Variants in IMPDH1 observed in about 807,000 individuals in gnomAD.
IMPDH1 encodes the protein inosine monophosphate dehydrogenase 1.
A neutral mutation model predicts 73.5 loss-of-function variants in IMPDH1; 41 were observed. The observed-to-expected ratio is 0.56, with a 90% CI of 0.43 to 0.72. The LOEUF (loss-of-function observed/expected upper bound fraction) is 0.72. IMPDH1 is among the 30% of genes least tolerant of loss of function. The pLI is 0.00. For missense variants in IMPDH1, 645 were observed against 824.8 expected (o/e 0.78, Z 2.67); for synonymous variants, 318 against 334.3 (o/e 0.95, Z 0.53).
chr7:128,405,103 G>A (rs1036618288), intron 4 of IMPDH1, among the ~76,000 whole-genome samples: 13 of 152,218 alleles, frequency 8.5e-5, no homozygotes, highest in Admixed American at 8.5e-4. Context: ...GCTAGTGCCA[G>A]GCCTGCAGCA....
Position 128,398,183 on chromosome 7 carries a change from A to G in IMPDH1, c.1074+231T>C, listed in dbSNP as rs2116635576. 6.6e-6 allele frequency among the ~76,000 whole-genome samples: 1 copy of G among 152,298 alleles called. No individual in the cohort carries two copies. Among genetic ancestry groups the G allele is most frequent in the African/African-American group, 2.4e-5 (1 of 41,560 alleles). On this transcript the variant is annotated intron_variant, in intron 10 of 16. Transcript: ENST00000338791. The surrounding 1 kb of genome is among the most constrained non-coding windows in gnomAD (Gnocchi z 4.3). ...TGAGAAAGGGTCTCGTTCTGTCCCC[A>G]GGGCTGGAGTGCAGTGGCACGATCC...
Position 128,401,133 on chromosome 7 carries a change from A to G in IMPDH1, c.403-17T>C, listed in dbSNP as rs1270615787. 1 of 1,594,198 alleles carries G rather than the reference A, an allele frequency of 6.3e-7. No individual in the cohort carries two copies. Among genetic ancestry groups the G allele is most frequent in the African/African-American group, 1.3e-5 (1 of 74,652 alleles). Reference sequence around the variant, plus strand: ...GGTCAGGTCCTGAGGATGGAGGCACAGCCCACGTAAAGAGTTTATCACCCA... The same window carrying G: ...GGTCAGGTCCTGAGGATGGAGGCACGGCCCACGTAAAGAGTTTATCACCCA... On this transcript the variant is annotated splice_polypyrimidine_tract_variant and intron_variant, in intron 5 of 16. Transcript: ENST00000338791.
In IMPDH1 at chr7:128,396,945, C is replaced by A; in HGVS notation, c.1152G>T (p.Val384=). 6.2e-7 allele frequency: 1 copy of A among 1,613,224 alleles called. No homozygotes were observed. Among genetic ancestry groups the A allele is most frequent in the South Asian group, 1.1e-5 (1 of 91,068 alleles). The change falls in exon 11 of 17, where the codon GTG becomes GTT. Residue 384 remains valine (V), a synonymous_variant. Transcript: ENST00000338791. The surrounding 1 kb of genome is among the most constrained non-coding windows in gnomAD (Gnocchi z 4.0). ...YIKQKYPHLQ[V]IGGNVVTAAQ... ...CCCCGCACTCACCGTTCCCCCCAAT[C>A]ACCTGGAGGTGGGGGTACTTCTGTT... is the stretch of plus-strand genomic sequence containing the variant.
rs747314543 is a variant in IMPDH1, at chr7:128,393,007, T to C, written c.1800A>G (p.Ter600TrpextTer25). Residue 600 changes from the stop codon to tryptophan, a stop_lost, in exon 17 of 17, where the codon TGA (stop) becomes TGG (tryptophan). Coordinates refer to ENST00000338791, the MANE Select transcript of IMPDH1 (RefSeq NM_000883.4). Reference sequence around the variant, plus strand: ...ACCACCTCGGCCTCCACCGCTGTCCTCAGTACAGCCGCTTTTCGTAACTGT... The same window carrying C: ...ACCACCTCGGCCTCCACCGCTGTCCCCAGTACAGCCGCTTTTCGTAACTGT... ...GLHSYEKRLY[*>W] The C allele has an allele frequency of 3.1e-6, 5 of 1,613,838 alleles. No individual in the cohort carries two copies. The Admixed American group carries it at 8.3e-5, about 27-fold the overall frequency.
chr7:128,394,787 C>T lies in IMPDH1; in HGVS notation c.1550+102G>A. ...AGCCCTGTGCCTCAGTTTCCAGAAC[C>T]ACCATATGGGGACTGGCTGCCATCT... On this transcript the variant is annotated intron_variant, in intron 14 of 16. Transcript: ENST00000338791. The surrounding 1 kb of genome is among the most constrained non-coding windows in gnomAD (Gnocchi z 5.5). The T allele has an allele frequency of 6.7e-7, 1 of 1,498,396 alleles. No individual in the cohort carries two copies. The highest frequency in any genetic ancestry group is 9.2e-7 in the Non-Finnish European group (1 of 1,085,050). 92.8% of individuals were successfully genotyped at this position (1,498,396 alleles called of 1,614,324 possible). A position where few individuals can be genotyped will look rare whatever the true frequency, so the allele number is the denominator to read the frequency against.
rs1359669066 is a variant in IMPDH1 at position 128,400,575 on chromosome 7, A to C, written c.580-36T>G. 1.9e-6 allele frequency: 3 copies of C among 1,582,560 alleles called. No individual in the cohort carries two copies. The African/African-American group carries it at 4.0e-5, about 21-fold the overall frequency. ...AGATGGGGGAGGAAAAGGCTGGAAGAAAGCCAGGGATGATGTCCAGGCTGG... is the reference window on the plus strand; with the variant it reads ...AGATGGGGGAGGAAAAGGCTGGAAGCAAGCCAGGGATGATGTCCAGGCTGG... On this transcript the variant is annotated intron_variant, in intron 7 of 16. Coordinates refer to ENST00000338791, the MANE Select transcript of IMPDH1 (RefSeq NM_000883.4).
intron 3 of IMPDH1, among the ~76,000 whole-genome samples, chr7:128,407,192 C>T (rs1482620131): frequency 1.3e-5 from 2 of 152,228 alleles, no homozygotes; most frequent in African/African-American, 4.8e-5. Flanking sequence ...CCCTCCCTGG[C>T]TTGGTGGCTG....
chr7:128,393,073 C>T, intron 16 of IMPDH1, 45 bp from the exon 17 acceptor site: 1 of 1,609,932 alleles, frequency 6.2e-7, no homozygotes, highest in African/African-American at 1.3e-5. Flanking sequence ...GGTGTGTGGA[C>T]CCTGCTCCTT....
At position 128,403,599 on chromosome 7, in the gene IMPDH1, C is replaced by T. The variant is rs912242165; in HGVS notation, c.402+107G>A. ...AAGGACTATATCCTATCCACCCATT[C>T]CCAAGAAAAGTCTCTCCATCTCTCC... On this transcript the variant is annotated intron_variant, in intron 5 of 16. Coordinates refer to ENST00000338791, the MANE Select transcript of IMPDH1 (RefSeq NM_000883.4). The T allele has an allele frequency of 2.4e-5, 23 of 951,074 alleles. No individual in the cohort carries two copies. In the East Asian group the frequency reaches 2.4e-4, roughly 10 times the overall value. 58.9% of individuals were successfully genotyped at this position (951,074 alleles called of 1,614,324 possible).
rs1023178553 is a variant in IMPDH1 at position 128,394,945 on chromosome 7, G to C, written c.1494C>G (p.Gly498=). Residue 498 remains glycine, a synonymous_variant, in exon 14 of 17, where the codon GGC becomes GGG. Coordinates refer to ENST00000338791, the MANE Select transcript of IMPDH1 (RefSeq NM_000883.4). This position sits in a 1 kb window ranked among gnomAD's most constrained non-coding sequence, Gnocchi z 5.5. ...TCTCCATGGCATCCAGTGAGCCCATGCCCCGGTACTTCTTGAGCCGCACCC... is the reference window on the plus strand; with the variant it reads ...TCTCCATGGCATCCAGTGAGCCCATCCCCCGGTACTTCTTGAGCCGCACCC... ...SDGVRLKKYR[G]MGSLDAMEKS... The C allele has an allele frequency of 4.3e-6, 7 of 1,613,480 alleles. No homozygotes were observed. In the South Asian group the frequency reaches 7.7e-5, roughly 18 times the overall value.
Position 128,398,680 on chromosome 7 carries a change from G to T in IMPDH1, c.875-67C>A. 1 of 1,346,792 alleles carries T rather than the reference G, an allele frequency of 7.4e-7. No individual in the cohort carries two copies. Among genetic ancestry groups the T allele is most frequent in the Non-Finnish European group, 1.1e-6 (1 of 944,136 alleles). 83.4% of individuals were successfully genotyped at this position (1,346,792 alleles called of 1,614,324 possible). A position where few individuals can be genotyped will look rare whatever the true frequency, so the allele number is the denominator to read the frequency against. ...GGAGAAGTTTGGGAGATGTTTAGGAGGGTGAAGATGAAAGTGGACCACTCC... is the reference window on the plus strand; with the variant it reads ...GGAGAAGTTTGGGAGATGTTTAGGATGGTGAAGATGAAAGTGGACCACTCC... On this transcript the variant is annotated intron_variant, in intron 9 of 16. Transcript: ENST00000338791. This position sits in a 1 kb window ranked among gnomAD's most constrained non-coding sequence, Gnocchi z 4.3.
chr7:128,403,558 C>CAAAAA, intron 5 of IMPDH1, 148 bp downstream of exon 5: 1 of 469,660 alleles, frequency 2.1e-6, no homozygotes. Context: ...ACTCTGTCTC[C>CAAAAA]AAAAAAAAAA....
chr7:128,403,781 T>C (rs1367486195), intron 4 of IMPDH1, 27 bp from the exon 5 acceptor site: 10 of 1,610,174 alleles, frequency 6.2e-6, no homozygotes, highest in Non-Finnish European at 8.5e-6. Context: ...GTGAGTGTTA[T>C]TAGTGGGGAG....
chr7:128,400,117 C>T lies in IMPDH1; in HGVS notation c.852G>A (p.Glu284=), dbSNP rs1452620689. 1.9e-6 allele frequency: 3 copies of T among 1,613,548 alleles called. No individual in the cohort carries two copies. The highest frequency in any genetic ancestry group is 1.3e-5 in the African/African-American group (1 of 75,046). ...TACCTTTCTTGCTACGCTGCAGGAT[C>T]TCATTTGCCTCTTTCAACGTCACAC... The part of the protein sequence containing the change: ...PAGVTLKEAN[E]ILQRSKKGKL... Residue 284 remains glutamate, a synonymous_variant, in exon 9 of 17, where the codon GAG becomes GAA. Transcript: ENST00000338791.
chr7:128,403,411 A>T (rs748672155), intron 5 of IMPDH1, among the ~76,000 whole-genome samples: 1 of 152,064 alleles, frequency 6.6e-6, no homozygotes, highest in East Asian at 1.9e-4. Context: ...CACAAAAATT[A>T]TCGGGGGGTT....
rs1279532718 is a variant in IMPDH1, at chr7:128,398,533, G to C, written c.955C>G (p.Pro319Ala). ...RTDLKKNRDYPLASKDSQKQL... is the reference protein window; with the variant it reads ...RTDLKKNRDYALASKDSQKQL... Reference sequence around the variant, plus strand: ...TTCTGGGAATCCTTGGAGGCCAGAGGGTAGTCTCGGTTCTTCTTCAGGTCG... The same window carrying C: ...TTCTGGGAATCCTTGGAGGCCAGAGCGTAGTCTCGGTTCTTCTTCAGGTCG... Residue 319 changes from proline to alanine, a missense_variant, in exon 10 of 17, where the codon CCT becomes GCT. Transcript: ENST00000338791. This position sits in a 1 kb window ranked among gnomAD's most constrained non-coding sequence, Gnocchi z 4.3. The C allele has an allele frequency of 6.2e-7, 1 of 1,613,704 alleles. No homozygotes were observed. The highest frequency in any genetic ancestry group is 8.5e-7 in the Non-Finnish European group (1 of 1,179,792).
chr7:128,394,821 C>G lies in IMPDH1; in HGVS notation c.1550+68G>C. The stretch of plus-strand genomic sequence containing the variant: ...GGGACTGGCTGCCATCTGGGGAAGT[C>G]GGTGGCATGAGCGGGCCCTGAAGGG... On this transcript the variant is annotated intron_variant, in intron 14 of 16. Transcript: ENST00000338791. This position sits in a 1 kb window ranked among gnomAD's most constrained non-coding sequence, Gnocchi z 5.5. 1 of 1,577,230 alleles carries G rather than the reference C, an allele frequency of 6.3e-7. No individual in the cohort carries two copies. Among genetic ancestry groups the G allele is most frequent in the Non-Finnish European group, 8.7e-7 (1 of 1,152,340 alleles).
intron 4 of IMPDH1, 107 bp from the exon 5 acceptor site, chr7:128,403,861 A>G (rs1160249378): frequency 1.0e-6 from 1 of 957,860 alleles, no homozygotes; most frequent in African/African-American, 1.6e-5. Flanking sequence ...AGCCTAGAGG[A>G]GCAGAGGCTA....
rs1408657406 is a variant in IMPDH1 at position 128,394,874 on chromosome 7, C to T, written c.1550+15G>A. The T allele has an allele frequency of 1.2e-6, 2 of 1,610,830 alleles. No homozygotes were observed. The highest frequency in any genetic ancestry group is 1.7e-6 in the Non-Finnish European group (2 of 1,179,966). On this transcript the variant is annotated intron_variant, in intron 14 of 16. Coordinates refer to ENST00000338791, the MANE Select transcript of IMPDH1 (RefSeq NM_000883.4). This position sits in a 1 kb window ranked among gnomAD's most constrained non-coding sequence, Gnocchi z 5.5. The stretch of plus-strand genomic sequence containing the variant: ...GTGGGCTGATCTGCCCAGGTGGGGC[C>T]CAGGGTCAGGGAACCTGAAGTATCG...
Sources: allele counts gnomAD v4.1 joint callset (sites outside exome capture counted in the v4.1 genomes callset), GRCh38; gene constraint gnomAD v4.1.1; non-coding constraint Gnocchi (gnomAD v3.1); transcripts MANE v1.5; gene names NCBI Gene and HGNC (gene_info 2026-07-23, HGNC 2026-07-21).